MAML3: variants seen among roughly 807,000 people sequenced by gnomAD.
The protein encoded by MAML3 is mastermind like transcriptional coactivator 3.
MAML3 carries 27 observed loss-of-function variants against 101.9 expected under a neutral mutation model. The observed-to-expected ratio is 0.27, with a 90% CI of 0.20 to 0.37. The LOEUF is 0.37. Ranked by LOEUF, MAML3 falls within the 10% of genes least tolerant of loss-of-function variation. The pLI, the probability that MAML3 is intolerant of heterozygous loss-of-function variation, is 1.00. For missense variants in MAML3, 1,316 were observed against 1,444.9 expected (o/e 0.91, Z 1.45); for synonymous variants, 501 against 555.9 (o/e 0.90, Z 1.39).
intron 2 of MAML3, among the ~76,000 whole-genome samples, chr4:139,832,500 T>C (rs975906651): frequency 2.0e-5 from 3 of 152,148 alleles, no homozygotes; most frequent in Non-Finnish European, 2.9e-5. Flanking sequence ...GTACCACTCA[T>C]TCCCCTAGGG....
chr4:140,092,830 G>A (rs1347959272), intron 1 of MAML3, among the ~76,000 whole-genome samples: 1 of 149,470 alleles, frequency 6.7e-6, no homozygotes, highest in Admixed American at 6.8e-5. Context: ...CCACACTCCA[G>A]TTTTGTGCTG....
chr4:140,152,798 G>GCCCCCCCCCCCCCCC, intron 1 of MAML3, 62 bp downstream of exon 1: 4 of 1,555,814 alleles, frequency 2.6e-6, no homozygotes, highest in Non-Finnish European at 2.6e-6. Context: ...AGCTCCACGC[G>GCCCCCCCCCCCCCCC]CCCCCCACCA....
rs575140280 is a variant in MAML3, at chr4:139,905,009, C to T, written c.469-14042G>A. 3.3e-5 allele frequency among the ~76,000 whole-genome samples: 5 copies of T among 152,288 alleles called. No homozygotes were observed. In the South Asian group the frequency reaches 1.0e-3, roughly 32 times the overall value. ...TGACTGAAATGTCATTATGTAGCAC[C>T]TGACTGTGGTTGTATCTGGCTTGAG... is the stretch of plus-strand genomic sequence containing the variant. On this transcript the variant is annotated intron_variant, in intron 1 of 4. Coordinates refer to ENST00000509479, the MANE Select transcript of MAML3 (RefSeq NM_018717.5).
At chr4:140,015,372 A>G (rs1471892950) in intron 1 of MAML3, among the ~76,000 whole-genome samples, 1 of 152,252 alleles carries the variant, frequency 6.6e-6, no homozygotes, top group East Asian at 1.9e-4. Context: ...AACTAGCAAG[A>G]ACAGAAGCTC....
At chr4:139,854,797 C>G (rs1002192706) in intron 2 of MAML3, among the ~76,000 whole-genome samples, 1 of 151,652 alleles carries the variant, frequency 6.6e-6, no homozygotes, top group Admixed American at 6.6e-5. Flanking sequence ...GGTGGGGACT[C>G]AGGTCATCTG....
At chr4:139,954,836 C>T (rs1343786895) in intron 1 of MAML3, among the ~76,000 whole-genome samples, 4 of 151,640 alleles carry the variant, frequency 2.6e-5, no homozygotes, top group South Asian at 2.1e-4. Flanking sequence ...GTGATCATAA[C>T]GTAGTTTATG....
At chr4:139,816,699 CCTA>C (rs776208132) in intron 2 of MAML3, among the ~76,000 whole-genome samples, 10 of 152,182 alleles carry the variant, frequency 6.6e-5, no homozygotes, top group South Asian at 4.2e-4. Context: ...ATCTCGAGTG[CCTA>C]CTAAGTGTAG....
At chr4:139,875,444 G>C (rs912493669) in intron 2 of MAML3, among the ~76,000 whole-genome samples, 5 of 152,120 alleles carry the variant, frequency 3.3e-5, no homozygotes, top group African/African-American at 1.2e-4. Flanking sequence ...TCTGCCAACT[G>C]TCCAATTATT....
intron 1 of MAML3, among the ~76,000 whole-genome samples, chr4:140,069,202 T>C (rs946388425): frequency 4.6e-5 from 7 of 152,112 alleles, no homozygotes; most frequent in Admixed American, 3.3e-4. Flanking sequence ...TGTCCCATAG[T>C]AGAAGGGGAA....
At chr4:139,816,664 A>G (rs1730898063) in intron 2 of MAML3, among the ~76,000 whole-genome samples, 1 of 152,104 alleles carries the variant, frequency 6.6e-6, no homozygotes, top group Non-Finnish European at 1.5e-5. Context: ...GACACCACTG[A>G]TGTCAATCCA....
Position 139,982,467 on chromosome 4 carries a change from G to A in MAML3, c.469-91500C>T, listed in dbSNP as rs575311921. The stretch of plus-strand genomic sequence containing the variant: ...CTGGAGAATGGTATTAGAAACCAAG[G>A]TCTGGGTCCCACATGTGTTCATTGT... On this transcript the variant is annotated intron_variant, in intron 1 of 4. Transcript: ENST00000509479. Among the ~76,000 whole-genome samples the A allele has an allele frequency of 6.6e-5, 10 of 152,178 alleles. No homozygotes were observed. The South Asian group carries it at 1.2e-3, about 19-fold the overall frequency.
intron 2 of MAML3, among the ~76,000 whole-genome samples, chr4:139,853,731 G>A (rs1235823221): frequency 1.3e-5 from 2 of 152,170 alleles, no homozygotes; most frequent in Non-Finnish European, 1.5e-5. Context: ...TCCAAGGTTG[G>A]GGGAGTGGGA....
intron 1 of MAML3, among the ~76,000 whole-genome samples, chr4:139,978,842 TA>T (rs532933595): frequency 2.6e-5 from 4 of 152,222 alleles, no homozygotes; most frequent in Non-Finnish European, 5.9e-5. Context: ...GAACTGGCTA[TA>T]TAGCAGGAAA....
chr4:140,125,989 G>T (rs1361286860), intron 1 of MAML3, among the ~76,000 whole-genome samples: 1 of 151,910 alleles, frequency 6.6e-6, no homozygotes, highest in Non-Finnish European at 1.5e-5. Context: ...TGTTGGTCAG[G>T]CTGGTCTCGA....
intron 1 of MAML3, among the ~76,000 whole-genome samples, chr4:140,075,520 T>C (rs1186372166): frequency 6.6e-6 from 1 of 152,212 alleles, no homozygotes; most frequent in African/African-American, 2.4e-5. Context: ...ATGTGAAAGT[T>C]AAACATAGAT....
At chr4:140,083,951 CACACACACACACACACAGAGAGAG>C (rs1452072942) in intron 1 of MAML3, among the ~76,000 whole-genome samples, 3 of 25,852 alleles carry the variant, frequency 1.2e-4, no homozygotes, top group Admixed American at 5.5e-4. Context: ...CACACACACA[CACACACACACACACACAGAGAGAG>C]AGAGAGAGAG....
chr4:139,970,894 C>G (rs1375784115), intron 1 of MAML3, among the ~76,000 whole-genome samples: 1 of 152,096 alleles, frequency 6.6e-6, no homozygotes, highest in African/African-American at 2.4e-5. Flanking sequence ...GTCAAACATC[C>G]CAATCATGCT....
intron 2 of MAML3, among the ~76,000 whole-genome samples, chr4:139,795,769 C>T (rs544178372): frequency 3.0e-4 from 45 of 152,322 alleles, no homozygotes; most frequent in African/African-American, 9.9e-4. Context: ...ACCCCACTTG[C>T]AACATGCGGT....
chr4:139,788,934 A>C (rs1214270322), intron 2 of MAML3, among the ~76,000 whole-genome samples: 1 of 152,232 alleles, frequency 6.6e-6, no homozygotes, highest in African/African-American at 2.4e-5. Flanking sequence ...AGAAAAATAA[A>C]CTATGCTGTT....
Sources: gnomAD v4.1 joint callset for allele counts (sites outside exome capture counted in the v4.1 genomes callset) on GRCh38, gnomAD v4.1.1 for gene constraint, MANE v1.5 for transcripts, NCBI Gene and HGNC (gene_info 2026-07-23, HGNC 2026-07-21) for gene names.